The following KIF4A variants were observed in gnomAD, a reference collection of about 807,000 sequenced individuals.
KIF4A encodes chromosome-associated kinesin KIF4A.
Under a neutral mutation model 105.9 loss-of-function variants are expected in KIF4A, and 7 were observed. The observed-to-expected ratio is 0.07, with a 90% CI of 0.04 to 0.12. The LOEUF (loss-of-function observed/expected upper bound fraction) is 0.12. Among genes scored for constraint, KIF4A ranks in the 10% least tolerant of loss-of-function variants. KIF4A has a pLI of 1.00. For synonymous variants in KIF4A, 281 were observed against 331.3 expected (o/e 0.85, Z 1.65); for missense variants, 558 against 929.2 (o/e 0.60, Z 5.19).
intron 18 of KIF4A, among the ~76,000 whole-genome samples, chrX:70,384,547 C>T (rs1420815838): frequency 1.8e-5 from 2 of 109,641 alleles, no homozygotes; most frequent in African/African-American, 6.6e-5. Context: ...ATGCTGAAAC[C>T]CCATCTCTAC....
intron 9 of KIF4A, among the ~76,000 whole-genome samples, chrX:70,331,732 C>G (rs759001239): frequency 5.4e-5 from 6 of 111,458 alleles, no homozygotes; most frequent in Non-Finnish European, 7.5e-5. Context: ...AGAGGGAAAG[C>G]AGAGGACTGA....
intron 13 of KIF4A, among the ~76,000 whole-genome samples, chrX:70,347,747 G>A (rs1046401369): frequency 5.8e-5 from 6 of 103,570 alleles, no homozygotes; most frequent in African/African-American, 1.1e-4. Context: ...AGGCCGAGGC[G>A]GGCGGATCAC....
At chrX:70,350,525 G>C (rs1327848531) in intron 13 of KIF4A, among the ~76,000 whole-genome samples, 1 of 109,108 alleles carries the variant, frequency 9.2e-6, no homozygotes, top group East Asian at 2.9e-4. Flanking sequence ...GGGGGAGGGG[G>C]AGAGGGAGAG....
intron 27 of KIF4A, 151 bp from the exon 28 acceptor site, chrX:70,406,741 TC>T: frequency 1.7e-6 from 1 of 586,137 alleles, no homozygotes; most frequent in Non-Finnish European, 2.7e-6. Flanking sequence ...CAGAATTTCT[TC>T]TGATTGGTAA....
intron 15 of KIF4A, among the ~76,000 whole-genome samples, chrX:70,363,419 G>A (rs1212553133): frequency 9.1e-6 from 1 of 109,465 alleles, no homozygotes; most frequent in Non-Finnish European, 1.9e-5. Context: ...AACAGGCCCC[G>A]GTGTGTGATG....
chrX:70,394,896 G>A (rs1055900485), intron 20 of KIF4A, among the ~76,000 whole-genome samples: 1 of 111,679 alleles, frequency 9.0e-6, no homozygotes, highest in Non-Finnish European at 1.9e-5. Context: ...ATTACTATTA[G>A]CATGGTATAC....
chrX:70,355,286 T>A (rs2147706685), intron 15 of KIF4A, among the ~76,000 whole-genome samples: 1 of 111,704 alleles, frequency 9.0e-6, no homozygotes, highest in Non-Finnish European at 1.9e-5. Context: ...TTGGTGGTGG[T>A]TCCCAATCTC....
At chrX:70,344,152 A>C (rs1236199721) in intron 13 of KIF4A, among the ~76,000 whole-genome samples, 170 bp downstream of exon 13, 1 of 112,303 alleles carries the variant, frequency 8.9e-6, no homozygotes, top group African/African-American at 3.2e-5. Flanking sequence ...GTTTGTTAAA[A>C]CACTCATAGG....
intron 7 of KIF4A, among the ~76,000 whole-genome samples, chrX:70,316,295 T>C (rs1602745470): frequency 1.8e-5 from 2 of 111,821 alleles, no homozygotes; most frequent in Middle Eastern, 4.7e-3. Context: ...TTGAACATAC[T>C]TTTATATTTA....
Position 70,341,791 on chromosome X carries a change from T to C in KIF4A, c.1134-8T>C, listed in dbSNP as rs771361408. ...TATTTTTCTAATATGTTATTTACTT[T>C]GTTTTAGTGTGGAACCATCAGAGAA... On this transcript the variant is annotated splice_polypyrimidine_tract_variant and splice_region_variant and intron_variant, in intron 10 of 30. Transcript: ENST00000374403. 2 of 1,201,104 alleles carry C rather than the reference T, an allele frequency of 1.7e-6. No individual in the cohort carries two copies. Among genetic ancestry groups the C allele is most frequent in the South Asian group, 1.8e-5 (1 of 55,496 alleles).
At chrX:70,349,701 C>T (rs184763903) in intron 13 of KIF4A, among the ~76,000 whole-genome samples, 1,460 of 69,080 alleles carry the variant, frequency 0.021, 46 homozygotes, top group Non-Finnish European at 0.026. Context: ...GGGTGGCGGC[C>T]GGGCAGAGAC....
intron 5 of KIF4A, 77 bp downstream of exon 5, chrX:70,299,279 C>T: frequency 1.2e-6 from 1 of 810,160 alleles, no homozygotes; most frequent in Non-Finnish European, 1.8e-6. Flanking sequence ...CTTTTATCTG[C>T]CACTGTGGTT....
chrX:70,368,115 G>A (rs2086112805), intron 15 of KIF4A, among the ~76,000 whole-genome samples: 1 of 111,823 alleles, frequency 8.9e-6, no homozygotes, highest in Admixed American at 9.5e-5. Context: ...GTCCTTGAAG[G>A]ACTTCTCTGC....
At chrX:70,362,168 G>A (rs1220572716) in intron 15 of KIF4A, 2 of 242,214 alleles carry the variant, frequency 8.3e-6, no homozygotes, top group Non-Finnish European at 7.7e-6. Flanking sequence ...TATGAGGCAA[G>A]ACCTTGTAGT....
Position 70,376,127 on chromosome X carries a change from A to G in KIF4A, c.1951A>G (p.Met651Val), listed in dbSNP as rs751493164. The G allele has an allele frequency of 1.7e-6, 2 of 1,207,242 alleles. No individual in the cohort carries two copies. The highest frequency in any genetic ancestry group is 2.2e-5 in the Admixed American group (1 of 45,830). Reference sequence around the variant, plus strand: ...GATGAAAAACCAGCGGGTACAGTTAATGCGTCAAATGAAAGAAGATGCTGA... The same window carrying G: ...GATGAAAAACCAGCGGGTACAGTTAGTGCGTCAAATGAAAGAAGATGCTGA... Reference protein sequence around the residue: ...RMMKNQRVQLMRQMKEDAEKF... With the variant: ...RMMKNQRVQLVRQMKEDAEKF... Residue 651 changes from methionine to valine, a missense_variant, in exon 18 of 31, where the codon ATG becomes GTG. Transcript: ENST00000374403.
rs1334272221 is a variant in KIF4A, at chrX:70,376,176, A to C, written c.2000A>C (p.Lys667Thr). ...GAGAAGTTTAGACAGTGGAAGCAGA[A>C]AAAAGACAAAGAAGTAATACAGTTA... ...DAEKFRQWKQ[K>T]KDKEVIQLKE... The change falls in exon 18 of 31, where the codon AAA (lysine) becomes ACA (threonine). Residue 667 changes from lysine (K) to threonine (T), a missense_variant. This residue lies in a region of KIF4A where 469 missense variants were observed against 680.4 expected (regional missense o/e 0.69). Transcript: ENST00000374403. 1 of 1,198,839 alleles carries C rather than the reference A, an allele frequency of 8.3e-7. No individual in the cohort carries two copies. Among genetic ancestry groups the C allele is most frequent in the African/African-American group, 1.7e-5 (1 of 57,695 alleles).
chrX:70,296,083 CTTTTT>C (rs386417082), intron 3 of KIF4A, among the ~76,000 whole-genome samples: 1,238 of 65,016 alleles, frequency 0.019, 29 homozygotes, highest in African/African-American at 0.073. Context: ...ATAAATGATG[CTTTTT>C]TTTTTTTTTT....
chrX:70,337,458 C>T lies in KIF4A; in HGVS notation c.1133+3769C>T, dbSNP rs148676102. 3.7e-3 allele frequency among the ~76,000 whole-genome samples: 414 copies of T among 111,270 alleles called. 3 individuals are homozygous for T. Among genetic ancestry groups the T allele is most frequent in the African/African-American group, 0.013 (392 of 30,565 alleles). Reference sequence around the variant, plus strand: ...AGCAAAGGTGGGCAGATTGCTTGAGCCCAGGAGTTTAAGACTAGCCTGGGC... The same window carrying T: ...AGCAAAGGTGGGCAGATTGCTTGAGTCCAGGAGTTTAAGACTAGCCTGGGC... On this transcript the variant is annotated intron_variant, in intron 10 of 30. Coordinates refer to ENST00000374403, the MANE Select transcript of KIF4A (RefSeq NM_012310.5).
At chrX:70,417,375 G>A (rs146758057) in intron 28 of KIF4A, among the ~76,000 whole-genome samples, 201 of 111,935 alleles carry the variant, frequency 1.8e-3, no homozygotes, top group Middle Eastern at 0.014. Context: ...GGCCAGGCAC[G>A]GTGGCTCACA....
Sources: allele counts gnomAD v4.1 joint callset (sites outside exome capture counted in the v4.1 genomes callset), GRCh38; gene constraint gnomAD v4.1.1; regional missense constraint gnomAD v4.1.1; transcripts MANE v1.5; gene names NCBI Gene and HGNC (gene_info 2026-07-23, HGNC 2026-07-21).